The following ZC2HC1A variants were observed in gnomAD, a reference collection of about 807,000 sequenced individuals.
ZC2HC1A encodes the protein zinc finger C2HC-type containing 1A.
ZC2HC1A carries 28 observed loss-of-function variants against 40.7 expected under a neutral mutation model. That is an observed-to-expected ratio of 0.69 (90% CI 0.51 to 0.94). The LOEUF is 0.94. Ranked by LOEUF, ZC2HC1A falls within the 40% of genes least tolerant of loss-of-function variation. ZC2HC1A has a pLI of 0.00. For synonymous variants in ZC2HC1A, 129 were observed against 129.2 expected (o/e 1.00, Z 0.01); for missense variants, 389 against 386.3 (o/e 1.01, Z -0.06).
rs1010397216 is a variant in ZC2HC1A, at chr8:78,673,829, G to A, written c.17-1958G>A. Among the ~76,000 whole-genome samples, 44 of 151,928 alleles carry A rather than the reference G, an allele frequency of 2.9e-4. 2 individuals carry two copies. The highest frequency in any genetic ancestry group is 1.5e-5 in the Non-Finnish European group (1 of 67,978). On this transcript the variant is annotated intron_variant, in intron 1 of 8. Coordinates refer to ENST00000263849, the MANE Select transcript of ZC2HC1A (RefSeq NM_016010.3). ...TGTTTTATATATATCTTTATTTTGGGTGAAGTAATGACATTCTTCTCTAAA... is the reference window on the plus strand; with the variant it reads ...TGTTTTATATATATCTTTATTTTGGATGAAGTAATGACATTCTTCTCTAAA...
intron 7 of ZC2HC1A, among the ~76,000 whole-genome samples, chr8:78,709,391 G>A (rs566617808): frequency 5.3e-5 from 8 of 152,290 alleles, no homozygotes; most frequent in African/African-American, 1.7e-4. Flanking sequence ...ATGAATTTGT[G>A]TGGAGCGTTA....
chr8:78,704,581 A>T (rs772868053), intron 7 of ZC2HC1A, among the ~76,000 whole-genome samples: 1 of 151,904 alleles, frequency 6.6e-6, no homozygotes, highest in Non-Finnish European at 1.5e-5. Context: ...TGTCTTGTGG[A>T]TGATCATCTC....
intron 4 of ZC2HC1A, among the ~76,000 whole-genome samples, 154 bp from the exon 5 acceptor site, chr8:78,689,068 C>A: frequency 6.7e-6 from 1 of 149,664 alleles, no homozygotes; most frequent in African/African-American, 2.4e-5. Context: ...TAAGTTTAGA[C>A]AAGTAAAACT....
At chr8:78,687,288 G>A (rs1045595209) in intron 4 of ZC2HC1A, among the ~76,000 whole-genome samples, 11 of 151,530 alleles carry the variant, frequency 7.3e-5, no homozygotes, top group Admixed American at 1.3e-4. Context: ...ACTCTAGATT[G>A]GGATTTATTT....
chr8:78,710,907 A>C (rs1338393461), intron 7 of ZC2HC1A, among the ~76,000 whole-genome samples: 1 of 152,140 alleles, frequency 6.6e-6, no homozygotes, highest in Non-Finnish European at 1.5e-5. Flanking sequence ...GAAAGAAGAC[A>C]AAAATTAATA....
intron 7 of ZC2HC1A, among the ~76,000 whole-genome samples, chr8:78,707,977 C>G (rs12675291): frequency 2.0e-5 from 3 of 151,714 alleles, no homozygotes; most frequent in Non-Finnish European, 4.4e-5. Context: ...AGCAGAATGC[C>G]TAGGCTAACA....
intron 3 of ZC2HC1A, among the ~76,000 whole-genome samples, chr8:78,683,314 C>T (rs1274696754): frequency 6.6e-6 from 1 of 152,256 alleles, no homozygotes; most frequent in Non-Finnish European, 1.5e-5. Context: ...GCCCCTGAAA[C>T]AAACTTCTTC....
At chr8:78,704,306 C>T (rs201091797) in intron 7 of ZC2HC1A, among the ~76,000 whole-genome samples, 3 of 148,514 alleles carry the variant, frequency 2.0e-5, no homozygotes, top group East Asian at 2.0e-4. Context: ...GAGAATTGCT[C>T]GAACCCAGGA....
intron 1 of ZC2HC1A, among the ~76,000 whole-genome samples, chr8:78,675,360 A>G (rs1263879897): frequency 6.6e-6 from 1 of 151,980 alleles, no homozygotes; most frequent in Non-Finnish European, 1.5e-5. Flanking sequence ...GTTTTATTCT[A>G]GATTCTTCAA....
rs77219198 is a variant in ZC2HC1A at position 78,717,351 on chromosome 8, C to T, written c.836C>T (p.Ser279Phe). The change falls in exon 9 of 9, where the codon TCC becomes TTC. Residue 279 changes from serine to phenylalanine, a missense_variant. Coordinates refer to ENST00000263849, the MANE Select transcript of ZC2HC1A (RefSeq NM_016010.3). ...AGGCCAGATGGGGACTGTGCATCTT[C>T]CCTTAATGGTGGAAATATTAAAGGC... ...IARPDGDCAS[S>F]LNGGNIKGIE... 30,617 of 1,609,638 alleles carry T rather than the reference C, an allele frequency of 0.019. 400 individuals carry two copies. Among genetic ancestry groups the T allele is most frequent in the Non-Finnish European group, 0.022 (25,782 of 1,178,754 alleles).
At chr8:78,683,001 C>T (rs1809838238) in intron 3 of ZC2HC1A, among the ~76,000 whole-genome samples, 1 of 152,236 alleles carries the variant, frequency 6.6e-6, no homozygotes, top group Non-Finnish European at 1.5e-5. Flanking sequence ...CTCCATGTCT[C>T]ACATCCAGGT....
intron 1 of ZC2HC1A, among the ~76,000 whole-genome samples, chr8:78,673,384 A>G (rs983498983): frequency 6.6e-6 from 1 of 152,148 alleles, no homozygotes; most frequent in South Asian, 2.1e-4. Context: ...ATACGTGTGC[A>G]TGTGTCTTTA....
At chr8:78,669,717 C>A (rs571412892) in intron 1 of ZC2HC1A, among the ~76,000 whole-genome samples, 1 of 152,300 alleles carries the variant, frequency 6.6e-6, no homozygotes, top group African/African-American at 2.4e-5. Context: ...TTCTCCAAGA[C>A]AGCATTATGA....
intron 2 of ZC2HC1A, chr8:78,676,125 T>TAAAA (rs145824687): frequency 1.0e-5 from 2 of 194,968 alleles, no homozygotes; most frequent in Non-Finnish European, 1.9e-5. Flanking sequence ...ACAAACAAAA[T>TAAAA]AAAAAAAAAA....
chr8:78,710,548 T>C (rs1810920485), intron 7 of ZC2HC1A, among the ~76,000 whole-genome samples: 2 of 152,058 alleles, frequency 1.3e-5, no homozygotes, highest in African/African-American at 4.8e-5. Flanking sequence ...GTTTTTAAAA[T>C]ATAGTCAAAA....
intron 3 of ZC2HC1A, among the ~76,000 whole-genome samples, chr8:78,684,190 C>T (rs1809878714): frequency 6.6e-6 from 1 of 152,188 alleles, no homozygotes; most frequent in South Asian, 2.1e-4. Context: ...TACCAACTTA[C>T]TGTATTAGTC....
intron 1 of ZC2HC1A, among the ~76,000 whole-genome samples, chr8:78,670,690 C>G (rs1809417144): frequency 6.6e-6 from 1 of 152,038 alleles, no homozygotes; most frequent in Admixed American, 6.6e-5. Context: ...AAGATAGTAA[C>G]TTAGAGAAAG....
At chr8:78,702,176 A>G (rs1341811171) in intron 7 of ZC2HC1A, among the ~76,000 whole-genome samples, 4 of 152,104 alleles carry the variant, frequency 2.6e-5, no homozygotes, top group Admixed American at 6.5e-5. Flanking sequence ...CAGGGATTCA[A>G]TTTCTTCCTG....
At chr8:78,679,274 T>G (rs1159354441) in intron 3 of ZC2HC1A, 2 of 152,166 alleles carry the variant, frequency 1.3e-5, no homozygotes, top group African/African-American at 4.8e-5. Flanking sequence ...ATATCTGTTA[T>G]ATATTATAGT....
Sources: allele counts gnomAD v4.1 joint callset (sites outside exome capture counted in the v4.1 genomes callset), GRCh38; gene constraint gnomAD v4.1.1; transcripts MANE v1.5; gene names NCBI Gene and HGNC (gene_info 2026-07-23, HGNC 2026-07-21).